SH3TC2: variants seen among roughly 807,000 people sequenced by gnomAD.
SH3TC2 encodes SH3 domain and tetratricopeptide repeats 2, also known as SH3 domain and tetratricopeptide repeat-containing protein 2.
SH3TC2 carries 87 observed loss-of-function variants against 124.5 expected under a neutral mutation model. The ratio of observed to expected loss-of-function variants is 0.70; its 90% CI spans 0.59 to 0.84. SH3TC2 has a LOEUF of 0.84. Ranked by LOEUF, SH3TC2 falls within the 40% of genes least tolerant of loss-of-function variation. SH3TC2 has a pLI of 0.00. For synonymous variants in SH3TC2, 634 were observed against 628.5 expected, an observed-to-expected ratio of 1.01 and a Z score of -0.13; for missense variants, 1,536 against 1,566.4, an observed-to-expected ratio of 0.98 and a Z score of 0.33.
chr5:149,015,437 A>G (rs990687977), intron 12 of SH3TC2, among the ~76,000 whole-genome samples: 4 of 151,494 alleles, frequency 2.6e-5, no homozygotes, highest in African/African-American at 9.7e-5. Context: ...CCACCCACAG[A>G]CTCTAGGTTT....
chr5:149,056,333 A>G (rs936142929), intron 1 of SH3TC2, among the ~76,000 whole-genome samples: 1 of 152,170 alleles, frequency 6.6e-6, no homozygotes, highest in Non-Finnish European at 1.5e-5. Flanking sequence ...CTTATCATTT[A>G]GCTCCCACTT....
chr5:148,994,839 A>G lies in SH3TC2; in HGVS notation c.*9872T>C, dbSNP rs545698794. On this transcript the variant is annotated 3_prime_UTR_variant, in exon 17 of 17. Transcript: ENST00000515425. ...CTTTTCTTCCTAGTCCTTTGCATAT[A>G]TGCATCCAATCTCCCCCAAACAGAC... Among the ~76,000 whole-genome samples the G allele has an allele frequency of 7.2e-5, 11 of 152,266 alleles. No individual in the cohort carries two copies. In the South Asian group the frequency reaches 2.3e-3, roughly 32 times the overall value.
rs976880716 is a variant in SH3TC2 at position 149,042,636 on chromosome 5, G to A, written c.529+58C>T. 3 of 1,605,364 alleles carry A rather than the reference G, an allele frequency of 1.9e-6. No individual in the cohort carries two copies. The African/African-American group carries it at 4.0e-5, about 21-fold the overall frequency. ...TCCCTTTGCATCCTGCTTATTTCATGGCCTCTGGTAGCAAATATCTGAATA... is the reference window on the plus strand; with the variant it reads ...TCCCTTTGCATCCTGCTTATTTCATAGCCTCTGGTAGCAAATATCTGAATA... On this transcript the variant is annotated intron_variant, in intron 5 of 16. Coordinates refer to ENST00000515425, the MANE Select transcript of SH3TC2 (RefSeq NM_024577.4).
rs1561766756 is a variant in SH3TC2 at position 149,031,627 on chromosome 5, A to G, written c.1062T>C (p.Ser354=). The G allele has an allele frequency of 6.2e-7, 1 of 1,614,122 alleles. No individual in the cohort carries two copies. The highest frequency in any genetic ancestry group is 1.3e-5 in the African/African-American group (1 of 75,018). ...EERCSLLALG[S]DKQTECSSFL... is the part of the protein sequence containing the mutation. ...AGCTGGAACACTCAGTCTGCTTATC[A>G]CTTCCCAGGGCCAACAGGGAGCATC... The change falls in exon 9 of 17, where the codon AGT becomes AGC. Residue 354 remains serine, a synonymous_variant. Transcript: ENST00000515425.
intron 13 of SH3TC2, 95 bp from the exon 14 acceptor site, chr5:149,010,487 C>T: frequency 4.5e-6 from 7 of 1,550,880 alleles, no homozygotes; most frequent in Non-Finnish European, 6.2e-6. Context: ...CCTAAATCAA[C>T]TAATCCTCTG....
At position 148,983,734 on chromosome 5, in the gene SH3TC2, C is replaced by T. The variant is rs992364030; in HGVS notation, c.*20977G>A. Among the ~76,000 whole-genome samples the T allele has an allele frequency of 3.3e-5, 5 of 152,098 alleles. No homozygotes were observed. Among genetic ancestry groups the T allele is most frequent in the African/African-American group, 1.2e-4 (5 of 41,426 alleles). On this transcript the variant is annotated 3_prime_UTR_variant, in exon 17 of 17. Transcript: ENST00000515425. ...AAATAATGGTATTCTACTTCCCTGTCACAAATGGCCATCATGTCCAGAGCT... is the reference window on the plus strand; with the variant it reads ...AAATAATGGTATTCTACTTCCCTGTTACAAATGGCCATCATGTCCAGAGCT...
intron 8 of SH3TC2, among the ~76,000 whole-genome samples, chr5:149,035,122 A>G (rs1754260928): frequency 6.6e-6 from 1 of 152,226 alleles, no homozygotes; most frequent in Non-Finnish European, 1.5e-5. Flanking sequence ...ATAAATGGCT[A>G]TGAGACCAAT....
intron 3 of SH3TC2, chr5:149,046,112 C>A: frequency 5.3e-6 from 1 of 188,906 alleles, no homozygotes; most frequent in Non-Finnish European, 1.1e-5. Context: ...ACTCCAGGAG[C>A]TCTATCATGA....
chr5:149,018,163 G>T (rs546194611), intron 12 of SH3TC2, among the ~76,000 whole-genome samples: 1 of 152,260 alleles, frequency 6.6e-6, no homozygotes, highest in East Asian at 1.9e-4. Context: ...CTACGTCAGA[G>T]GGTGGTCCTG....
rs974173296 is a variant in SH3TC2 at position 148,993,126 on chromosome 5, C to T, written c.*11585G>A. Reference sequence around the variant, plus strand: ...ATTAGGCATTTGTCCCTCACCGTTTCGATTGAAATAATCAGTTCAAAATAA... The same window carrying T: ...ATTAGGCATTTGTCCCTCACCGTTTTGATTGAAATAATCAGTTCAAAATAA... On this transcript the variant is annotated 3_prime_UTR_variant, in exon 17 of 17. Coordinates refer to ENST00000515425, the MANE Select transcript of SH3TC2 (RefSeq NM_024577.4). 6.6e-6 allele frequency among the ~76,000 whole-genome samples: 1 copy of T among 152,108 alleles called. No homozygotes were observed.
At chr5:149,054,076 A>C (rs1435223101) in intron 1 of SH3TC2, among the ~76,000 whole-genome samples, 3 of 152,160 alleles carry the variant, frequency 2.0e-5, no homozygotes, top group South Asian at 2.1e-4. Flanking sequence ...AGAAAAGATA[A>C]ATGTTTGAGG....
At chr5:149,012,408 C>T (rs948603204) in intron 13 of SH3TC2, among the ~76,000 whole-genome samples, 176 bp downstream of exon 13, 1 of 152,176 alleles carries the variant, frequency 6.6e-6, no homozygotes, top group African/African-American at 2.4e-5. Flanking sequence ...TTCAGCTTGT[C>T]AGACCACCCT....
chr5:149,061,976 G>C (rs1466059270), intron 1 of SH3TC2, among the ~76,000 whole-genome samples: 3 of 152,036 alleles, frequency 2.0e-5, no homozygotes, highest in Non-Finnish European at 4.4e-5. Flanking sequence ...AGCAGAATAT[G>C]GTTGTTTTGG....
intron 1 of SH3TC2, among the ~76,000 whole-genome samples, chr5:149,058,166 A>T (rs1754684096): frequency 6.6e-6 from 1 of 152,244 alleles, no homozygotes; most frequent in African/African-American, 2.4e-5. Flanking sequence ...TAATCAATAA[A>T]TTGCTTTTGA....
At chr5:149,009,141 T>A in intron 14 of SH3TC2, 140 bp from the exon 15 acceptor site, 1 of 996,002 alleles carries the variant, frequency 1.0e-6, no homozygotes, top group Non-Finnish European at 1.6e-6. Flanking sequence ...TGTTTCCCTG[T>A]GTGCCTTTAC....
rs950378436 is a variant in SH3TC2, at chr5:148,993,807, A to G, written c.*10904T>C. ...GATTACATTCCTCTAAGCATGCCTT[A>G]ACCCCACAGGTTCAACAAAGAAGTG... On this transcript the variant is annotated 3_prime_UTR_variant, in exon 17 of 17. Transcript: ENST00000515425. 1.3e-5 allele frequency among the ~76,000 whole-genome samples: 2 copies of G among 152,244 alleles called. No homozygotes were observed. The highest frequency in any genetic ancestry group is 2.9e-5 in the Non-Finnish European group (2 of 68,044).
rs1269879813 is a variant in SH3TC2 at position 148,991,791 on chromosome 5, C to T, written c.*12920G>A. Reference sequence around the variant, plus strand: ...CCTGCCCTGAATCACTCTATACTCACAACAGAAACAGCTGGTGTCAGAGAA... The same window carrying T: ...CCTGCCCTGAATCACTCTATACTCATAACAGAAACAGCTGGTGTCAGAGAA... On this transcript the variant is annotated 3_prime_UTR_variant, in exon 17 of 17. Coordinates refer to ENST00000515425, the MANE Select transcript of SH3TC2 (RefSeq NM_024577.4). Among the ~76,000 whole-genome samples, 1 of 152,208 alleles carries T rather than the reference C, an allele frequency of 6.6e-6. No individual in the cohort carries two copies. Among genetic ancestry groups the T allele is most frequent in the African/African-American group, 2.4e-5 (1 of 41,444 alleles).
At position 149,004,743 on chromosome 5, in the gene SH3TC2, G is replaced by A. The variant is rs536334280; in HGVS notation, c.3835C>T (p.Arg1279Trp). Residue 1279 changes from arginine (R) to tryptophan (W), a missense_variant, in exon 17 of 17, where the codon CGG becomes TGG. Arg to Trp is a moderately radical substitution (Grantham distance 101, BLOSUM62 -3). This residue lies in a region of SH3TC2 where 426 missense variants were observed against 443.5 expected (regional missense o/e 0.96). Transcript: ENST00000515425. Reference sequence around the variant, plus strand: ...GCCAGGCCACCACCACTCAGCCACCGCGCCCTCTCTGAGGAGCACCCGGAG... The same window carrying A: ...GCCAGGCCACCACCACTCAGCCACCACGCCCTCTCTGAGGAGCACCCGGAG... ...RPSGCSSERA[R>W]WLSGGGLAL 43 of 1,613,736 alleles carry A rather than the reference G, an allele frequency of 2.7e-5. No homozygotes were observed. Among genetic ancestry groups the A allele is most frequent in the African/African-American group, 2.0e-4 (15 of 75,010 alleles).
At position 148,998,568 on chromosome 5, in the gene SH3TC2, C is replaced by T. The variant is rs928239189; in HGVS notation, c.*6143G>A. On this transcript the variant is annotated 3_prime_UTR_variant, in exon 17 of 17. Transcript: ENST00000515425. ...GCAGCTGGGTTCTCACCTTTGAAAT[C>T]GTTTTGAAAGCACAGCATCCTTCCC... is the stretch of plus-strand genomic sequence containing the variant. Among the ~76,000 whole-genome samples, 4 of 152,184 alleles carry T rather than the reference C, an allele frequency of 2.6e-5. No individual in the cohort carries two copies. The highest frequency in any genetic ancestry group is 4.8e-5 in the African/African-American group (2 of 41,448).
Sources: gnomAD v4.1 joint callset for allele counts (sites outside exome capture counted in the v4.1 genomes callset) on GRCh38, gnomAD v4.1.1 for gene constraint, gnomAD v4.1.1 regional missense constraint, MANE v1.5 for transcripts, NCBI Gene and HGNC (gene_info 2026-07-23, HGNC 2026-07-21) for gene names.